The following PPARGC1A variants were observed in gnomAD, a reference collection of about 807,000 sequenced individuals.
The protein encoded by PPARGC1A is peroxisome proliferator-activated receptor gamma coactivator 1-alpha.
A neutral mutation model predicts 88.7 loss-of-function variants in PPARGC1A; 25 were observed. The ratio of observed to expected loss-of-function variants is 0.28; its 90% CI spans 0.21 to 0.39. The LOEUF is 0.39. PPARGC1A is among the 10% of genes least tolerant of loss of function. The pLI is 1.00. For missense variants in PPARGC1A, 880 were observed against 968.7 expected (o/e 0.91, Z 1.22); for synonymous variants, 363 against 355.6 (o/e 1.02, Z -0.24).
the PPARGC1A span, among the ~76,000 whole-genome samples, chr4:24,069,150 G>A: frequency 6.6e-6 from 1 of 152,172 alleles, no homozygotes; most frequent in African/African-American, 2.4e-5. Flanking sequence ...GGGAAACCAA[G>A]GCAAAGAAAG....
chr4:24,201,552 G>A, the PPARGC1A span, among the ~76,000 whole-genome samples: 22,340 of 152,232 alleles, frequency 0.15, 2,816 homozygotes, highest in African/African-American at 0.35. Context: ...CTCAATATTC[G>A]TAGAATAGAG....
At chr4:24,180,237 T>G in the PPARGC1A span, among the ~76,000 whole-genome samples, 1 of 152,220 alleles carries the variant, frequency 6.6e-6, no homozygotes, top group African/African-American at 2.4e-5. Flanking sequence ...TTCACAATCT[T>G]TGCTAATCTG....
chr4:24,354,859 C>T, the PPARGC1A span, among the ~76,000 whole-genome samples: 2 of 151,946 alleles, frequency 1.3e-5, no homozygotes, highest in Non-Finnish European at 2.9e-5. Flanking sequence ...TGCACTCCAG[C>T]ATGGGCGACA....
chr4:24,470,889 G>A, the PPARGC1A span, among the ~76,000 whole-genome samples: 1 of 151,836 alleles, frequency 6.6e-6, no homozygotes, highest in Non-Finnish European at 1.5e-5. The surrounding 1 kb of genome is among the most constrained non-coding windows in gnomAD (Gnocchi z 5.8). Context: ...CTGGCAGCTA[G>A]TAGTTTGGCG....
chr4:24,339,924 A>G, the PPARGC1A span, among the ~76,000 whole-genome samples: 28,250 of 151,860 alleles, frequency 0.19, 2,748 homozygotes, highest in South Asian at 0.24. Context: ...TTTTTAGTAG[A>G]GGCAGGGTTT....
chr4:24,407,045 T>C, the PPARGC1A span, among the ~76,000 whole-genome samples: 1 of 152,158 alleles, frequency 6.6e-6, no homozygotes, highest in Admixed American at 6.5e-5. Context: ...TGGCCATAGA[T>C]ACATACCAGG....
At chr4:24,296,093 CAT>C in the PPARGC1A span, among the ~76,000 whole-genome samples, 1 of 150,280 alleles carries the variant, frequency 6.7e-6, no homozygotes, top group Non-Finnish European at 1.5e-5. Flanking sequence ...TATATACACA[CAT>C]ACATATATAT....
At chr4:24,166,290 G>A in the PPARGC1A span, among the ~76,000 whole-genome samples, 1 of 152,218 alleles carries the variant, frequency 6.6e-6, no homozygotes, top group Non-Finnish European at 1.5e-5. Context: ...GAGGTTTAAA[G>A]AAAGAAGTCA....
chr4:24,324,400 T>C, the PPARGC1A span, among the ~76,000 whole-genome samples: 1 of 150,646 alleles, frequency 6.6e-6, no homozygotes, highest in South Asian at 2.2e-4. Context: ...CCCAACCCCT[T>C]CTCTGCTTTT....
the PPARGC1A span, among the ~76,000 whole-genome samples, chr4:24,233,408 T>C: frequency 2.0e-5 from 3 of 152,036 alleles, no homozygotes; most frequent in Non-Finnish European, 4.4e-5. Context: ...CTTCTCTCTC[T>C]ATCAAATGGA....
chr4:23,840,344 T>A (rs1726843832), intron 2 of PPARGC1A, among the ~76,000 whole-genome samples: 1 of 152,026 alleles, frequency 6.6e-6, no homozygotes, highest in Non-Finnish European at 1.5e-5. Flanking sequence ...AACCCCTCAT[T>A]CACCTATCTG....
chr4:23,828,247 T>C (rs564457314), intron 5 of PPARGC1A, among the ~76,000 whole-genome samples, 153 bp downstream of exon 5: 33 of 152,304 alleles, frequency 2.2e-4, no homozygotes, highest in Middle Eastern at 3.4e-3. Context: ...AAGGAAAGGT[T>C]TCTTCCCCCG....
chr4:24,440,443 A>C, the PPARGC1A span, among the ~76,000 whole-genome samples: 2 of 152,206 alleles, frequency 1.3e-5, no homozygotes. Context: ...GGCACATGGC[A>C]GGCCACAGTT....
chr4:23,919,836 CAAAG>C, the PPARGC1A span, among the ~76,000 whole-genome samples: 1 of 152,076 alleles, frequency 6.6e-6, no homozygotes, highest in African/African-American at 2.4e-5. Context: ...AGGTAGAGGA[CAAAG>C]AAAGAGTGCC....
chr4:23,827,560 CACG>C (rs1463563725), intron 5 of PPARGC1A, among the ~76,000 whole-genome samples: 3 of 151,986 alleles, frequency 2.0e-5, no homozygotes, highest in Non-Finnish European at 4.4e-5. Flanking sequence ...CTTCTAAGAC[CACG>C]ACATTTTGAG....
chr4:24,177,796 A>C, the PPARGC1A span, among the ~76,000 whole-genome samples: 1 of 152,104 alleles, frequency 6.6e-6, no homozygotes, highest in African/African-American at 2.4e-5. Flanking sequence ...TCTTCAAGGA[A>C]TCTACCTTCT....
At chr4:24,210,830 A>G in the PPARGC1A span, among the ~76,000 whole-genome samples, 2 of 152,186 alleles carry the variant, frequency 1.3e-5, no homozygotes, top group African/African-American at 4.8e-5. Context: ...GGCGCCTTCA[A>G]CGGAGGGCAC....
the PPARGC1A span, among the ~76,000 whole-genome samples, chr4:24,133,817 A>C: frequency 6.6e-6 from 1 of 152,182 alleles, no homozygotes; most frequent in African/African-American, 2.4e-5. Context: ...TTCTGTAGTT[A>C]ATGTCCCAGT....
chr4:24,222,976 A>G, the PPARGC1A span, among the ~76,000 whole-genome samples: 1 of 152,300 alleles, frequency 6.6e-6, no homozygotes, highest in South Asian at 2.1e-4. Context: ...GCAAAAAATT[A>G]TAATACCTAA....
Sources: allele counts gnomAD v4.1 joint callset (sites outside exome capture counted in the v4.1 genomes callset), GRCh38; gene constraint gnomAD v4.1.1; non-coding constraint Gnocchi (gnomAD v3.1); transcripts MANE v1.5; gene names NCBI Gene and HGNC (gene_info 2026-07-23, HGNC 2026-07-21).